CACHD1: variants seen among roughly 807,000 people sequenced by gnomAD.
CACHD1 encodes VWFA and cache domain-containing protein 1.
A neutral mutation model predicts 138.7 loss-of-function variants in CACHD1; 71 were observed. That is an observed-to-expected ratio of 0.51 (90% CI 0.42 to 0.62). The LOEUF (loss-of-function observed/expected upper bound fraction) is 0.62. Among genes scored for constraint, CACHD1 ranks in the 20% least tolerant of loss-of-function variants. The pLI, the probability that CACHD1 is intolerant of heterozygous loss-of-function variation, is 0.00. For missense variants in CACHD1, 1,389 were observed against 1,625.3 expected (o/e 0.85, Z 2.50); for synonymous variants, 578 against 591.5 (o/e 0.98, Z 0.33).
chr1:64,598,556 AT>A (rs1222352854), intron 3 of CACHD1, among the ~76,000 whole-genome samples: 1 of 152,206 alleles, frequency 6.6e-6, no homozygotes, highest in African/African-American at 2.4e-5. Flanking sequence ...TGAGAGAGAA[AT>A]ATAAATCCTC....
At chr1:64,690,626 G>T (rs188297739) in intron 26 of CACHD1, among the ~76,000 whole-genome samples, 11 of 152,316 alleles carry the variant, frequency 7.2e-5, no homozygotes, top group African/African-American at 2.4e-4. Context: ...TATATGTGGA[G>T]TTAGTGTTTC....
chr1:64,666,848 C>CAAA (rs946649209), intron 16 of CACHD1, among the ~76,000 whole-genome samples: 24 of 33,882 alleles, frequency 7.1e-4, no homozygotes, highest in African/African-American at 1.5e-3. Flanking sequence ...GATCCTGTCT[C>CAAA]AAAAAAAAAA....
At chr1:64,592,628 T>A (rs1647115515) in intron 3 of CACHD1, among the ~76,000 whole-genome samples, 1 of 152,034 alleles carries the variant, frequency 6.6e-6, no homozygotes, top group Admixed American at 6.6e-5. Flanking sequence ...AAGACCCAGC[T>A]GGCACAATGG....
At chr1:64,566,384 A>G (rs185513658) in intron 2 of CACHD1, among the ~76,000 whole-genome samples, 4 of 151,454 alleles carry the variant, frequency 2.6e-5, no homozygotes, top group African/African-American at 9.6e-5. Flanking sequence ...ATGCACAAAG[A>G]AATTCCCTTT....
intron 3 of CACHD1, among the ~76,000 whole-genome samples, chr1:64,589,869 C>G (rs372857606): frequency 6.6e-6 from 1 of 152,136 alleles, no homozygotes; most frequent in African/African-American, 2.4e-5. Flanking sequence ...CCCTTTTACC[C>G]CTTTTATCTT....
chr1:64,479,319 G>A (rs1418876805), intron 1 of CACHD1, among the ~76,000 whole-genome samples: 2 of 152,188 alleles, frequency 1.3e-5, no homozygotes, highest in African/African-American at 4.8e-5. Flanking sequence ...GTTATGAGAG[G>A]AGGTTCAGGA....
intron 1 of CACHD1, among the ~76,000 whole-genome samples, chr1:64,513,520 C>G (rs149577343): frequency 2.6e-5 from 4 of 152,262 alleles, no homozygotes; most frequent in Non-Finnish European, 5.9e-5. Context: ...TTCCCAGCAG[C>G]TATGGTGGGT....
intron 13 of CACHD1, 110 bp downstream of exon 13, chr1:64,658,983 A>C: frequency 1.1e-6 from 1 of 937,128 alleles, no homozygotes; most frequent in Non-Finnish European, 1.5e-6. Context: ...ATGCCTGCAG[A>C]GTCAGCTGGT....
chr1:64,539,137 T>C (rs1468928127), intron 1 of CACHD1, among the ~76,000 whole-genome samples: 1 of 152,138 alleles, frequency 6.6e-6, no homozygotes, highest in Non-Finnish European at 1.5e-5. Context: ...CACAGACCCT[T>C]GGGATGCTAA....
intron 1 of CACHD1, among the ~76,000 whole-genome samples, chr1:64,513,645 C>T (rs1420677327): frequency 6.6e-6 from 1 of 152,166 alleles, no homozygotes; most frequent in Non-Finnish European, 1.5e-5. Flanking sequence ...GAAAAGGACT[C>T]AAAGGAAAGA....
chr1:64,614,794 C>T (rs1423193012), intron 4 of CACHD1, among the ~76,000 whole-genome samples: 1 of 152,120 alleles, frequency 6.6e-6, no homozygotes, highest in Non-Finnish European at 1.5e-5. Context: ...TTCTTTTTCC[C>T]CTGCTACTGT....
intron 1 of CACHD1, among the ~76,000 whole-genome samples, chr1:64,488,352 C>G (rs142395342): frequency 6.6e-6 from 1 of 152,118 alleles, no homozygotes; most frequent in Non-Finnish European, 1.5e-5. Context: ...CTATTTGATG[C>G]AAATCAAGAT....
rs1646362810 is a variant in CACHD1 at position 64,505,223 on chromosome 1, G to T, written c.198+34281G>T. Among the ~76,000 whole-genome samples the T allele has an allele frequency of 2.0e-5, 3 of 152,124 alleles. No homozygotes were observed. In the South Asian group the frequency reaches 6.2e-4, roughly 32 times the overall value. On this transcript the variant is annotated intron_variant, in intron 1 of 26. Transcript: ENST00000651257. ...TGTTTTCCCAAGGCCACCATCCCCAGTGCAGATGGAAAGGAACAAGATACA... is the reference window on the plus strand; with the variant it reads ...TGTTTTCCCAAGGCCACCATCCCCATTGCAGATGGAAAGGAACAAGATACA...
intron 2 of CACHD1, among the ~76,000 whole-genome samples, chr1:64,560,615 C>T (rs1490258382): frequency 6.6e-6 from 1 of 151,794 alleles, no homozygotes. Flanking sequence ...TTTTATGGCT[C>T]TACATATGAT....
chr1:64,664,816 A>G (rs1027707202), intron 15 of CACHD1, 137 bp downstream of exon 15: 1 of 693,640 alleles, frequency 1.4e-6, no homozygotes, highest in Non-Finnish European at 2.3e-6. Flanking sequence ...GTTCCTGAAT[A>G]GTTTTTTCAG....
chr1:64,689,373 C>T (rs1012404594), intron 26 of CACHD1, among the ~76,000 whole-genome samples: 1 of 152,134 alleles, frequency 6.6e-6, no homozygotes, highest in African/African-American at 2.4e-5. Flanking sequence ...TTTCACTACT[C>T]CTCACCCCCA....
At chr1:64,632,566 A>C (rs773285506) in intron 5 of CACHD1, 33 bp from the exon 6 acceptor site, 7 of 1,612,122 alleles carry the variant, frequency 4.3e-6, no homozygotes, top group Non-Finnish European at 5.9e-6. Flanking sequence ...ACCTAAACCA[A>C]GACTGACCCC....
intron 22 of CACHD1, among the ~76,000 whole-genome samples, chr1:64,677,798 T>A (rs551292903): frequency 1.2e-4 from 18 of 152,242 alleles, no homozygotes; most frequent in African/African-American, 2.6e-4. Flanking sequence ...CTTTTTTTTT[T>A]ATTTTTTTAA....
At chr1:64,578,544 C>A (rs909408845) in intron 2 of CACHD1, among the ~76,000 whole-genome samples, 2 of 152,164 alleles carry the variant, frequency 1.3e-5, no homozygotes, top group Non-Finnish European at 2.9e-5. Context: ...CTTACAAATT[C>A]TGTGGGTCAG....
Sources: allele counts gnomAD v4.1 joint callset (sites outside exome capture counted in the v4.1 genomes callset), GRCh38; gene constraint gnomAD v4.1.1; transcripts MANE v1.5; gene names NCBI Gene and HGNC (gene_info 2026-07-23, HGNC 2026-07-21).